The following VAV3 variants were observed in gnomAD, a reference collection of about 807,000 sequenced individuals.
VAV3 encodes the protein vav guanine nucleotide exchange factor 3.
VAV3 carries 94 observed loss-of-function variants against 131.2 expected under a neutral mutation model. The ratio of observed to expected loss-of-function variants is 0.72; its 90% CI spans 0.61 to 0.85. VAV3 has a LOEUF of 0.85. VAV3 is among the 40% of genes least tolerant of loss of function. VAV3 has a pLI of 0.00. For synonymous variants in VAV3, 349 were observed against 342.0 expected (o/e 1.02, Z -0.22); for missense variants, 939 against 1,002.7 (o/e 0.94, Z 0.86).
intron 19 of VAV3, among the ~76,000 whole-genome samples, chr1:107,667,147 T>C (rs192909923): frequency 1.2e-4 from 19 of 152,308 alleles, no homozygotes; most frequent in Admixed American, 3.3e-4. Context: ...GCTCCAGGAA[T>C]GTATAGATGG....
At chr1:107,683,028 A>C (rs1164832841) in intron 19 of VAV3, among the ~76,000 whole-genome samples, 9 of 152,328 alleles carry the variant, frequency 5.9e-5, no homozygotes, top group Middle Eastern at 6.8e-3. Flanking sequence ...CAAAGTCCCC[A>C]AAAAACATGC....
At chr1:107,757,049 A>AC in intron 11 of VAV3, among the ~76,000 whole-genome samples, 1 of 152,026 alleles carries the variant, frequency 6.6e-6, no homozygotes, top group South Asian at 2.1e-4. Context: ...AAAAAAAAAA[A>AC]ATCCAGTTTT....
intron 19 of VAV3, among the ~76,000 whole-genome samples, chr1:107,677,467 C>T (rs187588679): frequency 2.2e-4 from 34 of 152,200 alleles, no homozygotes; most frequent in Non-Finnish European, 4.6e-4. Context: ...GCATATCCTT[C>T]TTTTTCTGAA....
chr1:107,795,680 C>G (rs1666504168), intron 2 of VAV3, among the ~76,000 whole-genome samples: 2 of 152,192 alleles, frequency 1.3e-5, no homozygotes, highest in African/African-American at 2.4e-5. Context: ...AGCCCAGACT[C>G]AAACATTTAT....
At chr1:107,613,967 T>C (rs142318868) in intron 21 of VAV3, among the ~76,000 whole-genome samples, 1 of 152,302 alleles carries the variant, frequency 6.6e-6, no homozygotes, top group Non-Finnish European at 1.5e-5. Context: ...ATTATTTAGG[T>C]AGTAGAGCTG....
chr1:107,854,347 G>T (rs1459110418), intron 2 of VAV3, among the ~76,000 whole-genome samples: 1 of 152,046 alleles, frequency 6.6e-6, no homozygotes, highest in Non-Finnish European at 1.5e-5. Flanking sequence ...TAGGTTAACA[G>T]ACATAAGCCG....
chr1:107,877,053 G>A lies in VAV3; in HGVS notation c.205-2036C>T, dbSNP rs573950924. Reference sequence around the variant, plus strand: ...AACTTAGACACACTTTACCCTTCACGGGAATCATTCTCAGAGGCTTAAATA... The same window carrying A: ...AACTTAGACACACTTTACCCTTCACAGGAATCATTCTCAGAGGCTTAAATA... On this transcript the variant is annotated intron_variant, in intron 1 of 26. Transcript: ENST00000370056. Among the ~76,000 whole-genome samples the A allele has an allele frequency of 1.3e-4, 20 of 151,982 alleles. No homozygotes were observed. In the South Asian group the frequency reaches 2.1e-3, roughly 16 times the overall value.
At chr1:107,708,934 G>A (rs1409180564) in intron 15 of VAV3, among the ~76,000 whole-genome samples, 4 of 150,816 alleles carry the variant, frequency 2.7e-5, no homozygotes, top group African/African-American at 4.9e-5. Flanking sequence ...ATACACACCC[G>A]CACACCCACA....
intron 15 of VAV3, among the ~76,000 whole-genome samples, chr1:107,735,746 A>G (rs918153005): frequency 5.9e-5 from 9 of 152,226 alleles, no homozygotes; most frequent in South Asian, 2.1e-4. Flanking sequence ...GTCCAAGACC[A>G]GACGGATTCA....
chr1:107,723,852 G>A (rs1661667903), intron 15 of VAV3, among the ~76,000 whole-genome samples: 2 of 152,040 alleles, frequency 1.3e-5, no homozygotes, highest in South Asian at 4.2e-4. Flanking sequence ...TGACATAAAG[G>A]TTACAAGACT....
At chr1:107,710,415 C>T (rs1347870773) in intron 15 of VAV3, among the ~76,000 whole-genome samples, 1 of 152,038 alleles carries the variant, frequency 6.6e-6, no homozygotes, top group East Asian at 1.9e-4. Flanking sequence ...AAAAATACAT[C>T]GATTTATAAA....
chr1:107,681,572 T>C (rs1398291527), intron 19 of VAV3, among the ~76,000 whole-genome samples: 1 of 152,006 alleles, frequency 6.6e-6, no homozygotes. Flanking sequence ...GGCAAGATCA[T>C]CAAGTGTTTG....
chr1:107,772,535 G>C (rs1265272083), intron 5 of VAV3, among the ~76,000 whole-genome samples, 200 bp downstream of exon 5: 1 of 151,998 alleles, frequency 6.6e-6, no homozygotes, highest in Non-Finnish European at 1.5e-5. Flanking sequence ...GAAAAGACTA[G>C]ACAAAAGATT....
intron 2 of VAV3, among the ~76,000 whole-genome samples, chr1:107,786,218 T>G (rs1665996056): frequency 6.6e-6 from 1 of 152,212 alleles, no homozygotes; most frequent in African/African-American, 2.4e-5. Flanking sequence ...CAAATTATAG[T>G]TTGTGCTGTC....
chr1:107,621,950 T>G (rs933779927), intron 20 of VAV3, among the ~76,000 whole-genome samples: 91 of 152,174 alleles, frequency 6.0e-4, no homozygotes, highest in African/African-American at 2.0e-3. Flanking sequence ...GAAAATACAT[T>G]CTTTGGAAAG....
chr1:107,900,325 C>A (rs928762650), intron 1 of VAV3, among the ~76,000 whole-genome samples: 8 of 152,140 alleles, frequency 5.3e-5, no homozygotes, highest in African/African-American at 1.9e-4. Flanking sequence ...CCTTTATGCA[C>A]CCCTTACCAC....
chr1:107,698,428 T>C (rs1000916898), intron 17 of VAV3, among the ~76,000 whole-genome samples: 7 of 152,206 alleles, frequency 4.6e-5, no homozygotes, highest in Non-Finnish European at 8.8e-5. Flanking sequence ...CCAACTGTAT[T>C]TCAAGTACTG....
At chr1:107,741,337 C>T (rs1274038137) in intron 15 of VAV3, among the ~76,000 whole-genome samples, 5 of 152,180 alleles carry the variant, frequency 3.3e-5, no homozygotes, top group Non-Finnish European at 7.3e-5. Context: ...TGGCTTTATT[C>T]CTCTAAATCC....
chr1:107,832,729 C>G (rs150709452), intron 2 of VAV3, among the ~76,000 whole-genome samples: 34 of 152,204 alleles, frequency 2.2e-4, no homozygotes, highest in African/African-American at 7.7e-4. Context: ...AGTGTTGATG[C>G]TTCAATATTC....
Sources: allele counts gnomAD v4.1 joint callset (sites outside exome capture counted in the v4.1 genomes callset), GRCh38; gene constraint gnomAD v4.1.1; transcripts MANE v1.5; gene names NCBI Gene and HGNC (gene_info 2026-07-23, HGNC 2026-07-21).